RAD51B: variants seen among roughly 807,000 people sequenced by gnomAD.
RAD51B encodes DNA repair protein RAD51 homolog 2.
A neutral mutation model predicts 42.2 loss-of-function variants in RAD51B; 38 were observed. The ratio of observed to expected loss-of-function variants is 0.90; its 90% confidence interval spans 0.70 to 1.18. The LOEUF (loss-of-function observed/expected upper bound fraction) is 1.18, where lower values mean the gene tolerates loss of function less well. Among genes scored for constraint, RAD51B ranks in the 50% most tolerant of loss-of-function variants. The pLI, the probability that RAD51B is intolerant of heterozygous loss-of-function variation, is 0.00. For missense variants in RAD51B, 373 were observed against 400.7 expected, an observed-to-expected ratio of 0.93 and a Z score of 0.59; for synonymous variants, 154 against 145.2, an observed-to-expected ratio of 1.06 and a Z score of -0.43.
At chr14:68,121,313 A>G (rs546082459) in intron 7 of RAD51B, among the ~76,000 whole-genome samples, 72 of 152,310 alleles carry the variant, frequency 4.7e-4, no homozygotes, top group African/African-American at 1.6e-3. Flanking sequence ...CATTTATGAA[A>G]CTTTTCCAAT....
chr14:67,956,301 G>A (rs1289478050), intron 7 of RAD51B, among the ~76,000 whole-genome samples: 2 of 151,896 alleles, frequency 1.3e-5, no homozygotes, highest in Non-Finnish European at 2.9e-5. Flanking sequence ...GGAGTTTGAG[G>A]CCAGCCTGGC....
intron 7 of RAD51B, among the ~76,000 whole-genome samples, chr14:68,172,476 G>A (rs531591063): frequency 1.7e-4 from 26 of 152,252 alleles, no homozygotes; most frequent in East Asian, 1.2e-3. Flanking sequence ...TCACATAACC[G>A]TTTGCAAGTA....
intron 7 of RAD51B, among the ~76,000 whole-genome samples, chr14:68,278,921 A>C (rs1021227950): frequency 1.3e-5 from 2 of 152,134 alleles, no homozygotes; most frequent in Non-Finnish European, 2.9e-5. Context: ...ATGATGTTGC[A>C]TGTGAAATGC....
intron 7 of RAD51B, among the ~76,000 whole-genome samples, chr14:68,230,893 TATC>T (rs1225484655): frequency 6.6e-6 from 1 of 152,232 alleles, no homozygotes; most frequent in African/African-American, 2.4e-5. Flanking sequence ...GAAAAATTAC[TATC>T]ATCATTATCA....
intron 7 of RAD51B, among the ~76,000 whole-genome samples, chr14:67,922,403 G>A (rs1318425316): frequency 6.6e-6 from 1 of 152,030 alleles, no homozygotes; most frequent in Non-Finnish European, 1.5e-5. Context: ...ATTATGAATA[G>A]GTAAGTTTAG....
At chr14:68,376,566 G>A (rs1429726843) in intron 8 of RAD51B, among the ~76,000 whole-genome samples, 1 of 152,186 alleles carries the variant, frequency 6.6e-6, no homozygotes, top group African/African-American at 2.4e-5. Context: ...AAGATTTCTT[G>A]TAAAAGTCAC....
intron 7 of RAD51B, among the ~76,000 whole-genome samples, chr14:68,195,835 G>A (rs527387772): frequency 7.1e-6 from 1 of 140,274 alleles, no homozygotes; most frequent in East Asian, 2.1e-4. Context: ...TTGAACCCAG[G>A]AGGCAGAGGT....
chr14:67,944,201 A>ATTTTTTTTTT (rs370785745), intron 7 of RAD51B, among the ~76,000 whole-genome samples: 2 of 130,098 alleles, frequency 1.5e-5, no homozygotes, highest in African/African-American at 5.8e-5. Context: ...AGAAGTAAAG[A>ATTTTTTTTTT]TTTTTTTTTT....
intron 7 of RAD51B, among the ~76,000 whole-genome samples, chr14:68,005,045 GTTTTT>G (rs753867497): frequency 1.3e-5 from 1 of 79,504 alleles, no homozygotes; most frequent in Non-Finnish European, 2.4e-5. Context: ...GTGTGTGTGT[GTTTTT>G]TTTTTTTTTT....
At chr14:68,155,866 G>A (rs947561828) in intron 7 of RAD51B, among the ~76,000 whole-genome samples, 7 of 152,294 alleles carry the variant, frequency 4.6e-5, no homozygotes, top group Admixed American at 4.6e-4. Flanking sequence ...CCTCAGAGCA[G>A]AAAGAGACCC....
At chr14:68,666,750 T>C (rs985557990) in intron 11 of RAD51B, among the ~76,000 whole-genome samples, 1 of 152,240 alleles carries the variant, frequency 6.6e-6, no homozygotes, top group Non-Finnish European at 1.5e-5. Flanking sequence ...TCCCTTTTCC[T>C]ATGAAATAAT....
intron 7 of RAD51B, among the ~76,000 whole-genome samples, chr14:67,986,498 T>C (rs1337683344): frequency 6.6e-6 from 1 of 152,214 alleles, no homozygotes; most frequent in Admixed American, 6.5e-5. Context: ...GTGGAAACCC[T>C]TTGCAATAAC....
In RAD51B at chr14:68,291,998, G is replaced by T. The variant is rs771793445; in HGVS notation, c.853+18G>T. On this transcript the variant is annotated intron_variant, in intron 8 of 10. Coordinates refer to ENST00000471583, the MANE Select transcript of RAD51B (RefSeq NM_133510.4). ...GTCTGAAGGTAAGGAATCTGTCCTG[G>T]AGAGGCTGAAACTTGACACTGACAT... 3 of 1,593,974 alleles carry T rather than the reference G, an allele frequency of 1.9e-6. No individual in the cohort carries two copies. In the Admixed American group the frequency reaches 5.0e-5, roughly 27 times the overall value.
chr14:68,502,039 G>A (rs978837945), intron 10 of RAD51B, among the ~76,000 whole-genome samples: 6 of 152,256 alleles, frequency 3.9e-5, no homozygotes, highest in African/African-American at 1.4e-4. Flanking sequence ...CTTTATCTGG[G>A]CTGGAAGGCC....
At chr14:68,672,914 C>T (rs1159113106) in intron 11 of RAD51B, among the ~76,000 whole-genome samples, 2 of 152,202 alleles carry the variant, frequency 1.3e-5, no homozygotes, top group Non-Finnish European at 2.9e-5. Context: ...TGAAGACAGG[C>T]AGCAACCACA....
intron 11 of RAD51B, among the ~76,000 whole-genome samples, chr14:68,651,572 G>A (rs1566964355): frequency 6.6e-6 from 1 of 152,176 alleles, no homozygotes; most frequent in Non-Finnish European, 1.5e-5. Context: ...AGCTGAAGTC[G>A]AACCCTCTAG....
chr14:68,248,909 G>A (rs1265478191), intron 7 of RAD51B, among the ~76,000 whole-genome samples: 2 of 152,232 alleles, frequency 1.3e-5, no homozygotes, highest in Non-Finnish European at 2.9e-5. Flanking sequence ...GCCCATTGGT[G>A]CTGGCACCCT....
At chr14:67,957,102 A>G (rs992838571) in intron 7 of RAD51B, among the ~76,000 whole-genome samples, 4 of 152,218 alleles carry the variant, frequency 2.6e-5, no homozygotes, top group Non-Finnish European at 4.4e-5. Flanking sequence ...GGTGAATAAG[A>G]TAGAATGTGA....
At chr14:68,636,321 A>G (rs1892338246) in intron 10 of RAD51B, among the ~76,000 whole-genome samples, 3 of 152,176 alleles carry the variant, frequency 2.0e-5, no homozygotes, top group Admixed American at 2.0e-4. Context: ...GGTGGCTCAC[A>G]CGTGTCATCT....
Sources: gnomAD v4.1 joint callset for allele counts (sites outside exome capture counted in the v4.1 genomes callset) on GRCh38, gnomAD v4.1.1 for gene constraint, MANE v1.5 for transcripts, NCBI Gene and HGNC (gene_info 2026-07-23, HGNC 2026-07-21) for gene names.